Variants in CA10 observed in about 807,000 individuals in gnomAD.
CA10 encodes carbonic anhydrase-related protein 10.
Under a neutral mutation model 44.2 loss-of-function variants are expected in CA10, and 14 were observed. The observed-to-expected ratio is 0.32, with a 90% CI of 0.21 to 0.50. The LOEUF (loss-of-function observed/expected upper bound fraction) is 0.50. Among genes scored for constraint, CA10 ranks in the 20% least tolerant of loss-of-function variants. The pLI is 0.99. For synonymous variants in CA10, 159 were observed against 141.6 expected (o/e 1.12, Z -0.87); for missense variants, 350 against 409.7 (o/e 0.85, Z 1.26).
intron 1 of CA10, among the ~76,000 whole-genome samples, chr17:52,105,130 G>T (rs1007756781): frequency 7.7e-6 from 1 of 129,394 alleles, no homozygotes; most frequent in African/African-American, 2.7e-5. Flanking sequence ...TCACTGGCCC[G>T]GGCTCAGGGA....
rs992775489 is a variant in CA10, at chr17:51,984,364, A to G, written c.137-53232T>C. On this transcript the variant is annotated intron_variant, in intron 2 of 8. Transcript: ENST00000451037. ...TCTGGAATACAGCAAAGGCGGTACT[A>G]AGAGGAAAGTTCATAGCCCTAAATG... 4.6e-5 allele frequency among the ~76,000 whole-genome samples: 7 copies of G among 151,872 alleles called. 1 individual carries two copies.
chr17:51,804,250 CAAGAA>C lies in CA10; in HGVS notation c.280-56437_280-56433del, dbSNP rs72063089. On this transcript the variant is annotated intron_variant, in intron 3 of 8. Coordinates refer to ENST00000451037, the MANE Select transcript of CA10 (RefSeq NM_020178.5). ...AATTAATCTGGAGGAAAAAAGAGAA[CAAGAA>C]AAGAAAGTCATTGATAACACCTGCC... Among the ~76,000 whole-genome samples, 690 of 152,214 alleles carry C rather than the reference CAAGAA, an allele frequency of 4.5e-3. 4 individuals are homozygous for C. Among genetic ancestry groups the C allele is most frequent in the African/African-American group, 0.016 (655 of 41,538 alleles).
intron 3 of CA10, among the ~76,000 whole-genome samples, chr17:51,905,538 T>C (rs1981511181): frequency 1.3e-5 from 2 of 149,228 alleles, no homozygotes; most frequent in East Asian, 3.9e-4. Context: ...TTTTTTTTTT[T>C]TTTTTTTTTT....
chr17:51,854,352 A>G (rs1193484796), intron 3 of CA10, among the ~76,000 whole-genome samples: 1 of 152,166 alleles, frequency 6.6e-6, no homozygotes, highest in Non-Finnish European at 1.5e-5. Flanking sequence ...AGGTCTAGGC[A>G]TTGGGAAGCA....
intron 1 of CA10, among the ~76,000 whole-genome samples, chr17:52,123,745 A>G (rs904526843): frequency 2.0e-5 from 3 of 152,224 alleles, no homozygotes; most frequent in Non-Finnish European, 4.4e-5. Context: ...AATATCCTGC[A>G]GCGTTCTCCC....
chr17:52,050,911 T>C (rs1987046534), intron 2 of CA10, among the ~76,000 whole-genome samples: 1 of 152,018 alleles, frequency 6.6e-6, no homozygotes, highest in South Asian at 2.1e-4. Flanking sequence ...CATATTTGTT[T>C]TGTTCACTGC....
In CA10 at chr17:51,630,719, A is replaced by T. The variant is rs1031097209; in HGVS notation, c.*865T>A. ...GAAATCAAAGAATGCAGTTGCATGG[A>T]GCCAGGGCTTAGCCTGTAAGGAAGG... On this transcript the variant is annotated 3_prime_UTR_variant, in exon 9 of 9. Coordinates refer to ENST00000451037, the MANE Select transcript of CA10 (RefSeq NM_020178.5). The T allele has an allele frequency of 2.0e-5, 3 of 152,586 alleles. No homozygotes were observed. Among genetic ancestry groups the T allele is most frequent in the Admixed American group, 6.5e-5 (1 of 15,284 alleles). 9.5% of individuals were successfully genotyped at this position (152,586 alleles called of 1,614,324 possible). A position where few individuals can be genotyped will look rare whatever the true frequency, so the allele number is the denominator to read the frequency against.
intron 4 of CA10, among the ~76,000 whole-genome samples, chr17:51,721,337 TA>T (rs1264784322): frequency 6.6e-6 from 1 of 152,084 alleles, no homozygotes; most frequent in African/African-American, 2.4e-5. Context: ...ATCTCAAAAA[TA>T]AATAAACTTT....
chr17:51,981,263 AC>A (rs1345055699), intron 2 of CA10, among the ~76,000 whole-genome samples: 1 of 152,076 alleles, frequency 6.6e-6, no homozygotes, highest in African/African-American at 2.4e-5. Context: ...CCAAACTGAA[AC>A]ACCCCAAATG....
intron 1 of CA10, among the ~76,000 whole-genome samples, chr17:52,104,837 C>A (rs1187794206): frequency 6.6e-6 from 1 of 152,178 alleles, no homozygotes; most frequent in African/African-American, 2.4e-5. Flanking sequence ...TCATCATTTG[C>A]TGCACGGATG....
chr17:51,959,693 A>C (rs1226097862), intron 2 of CA10, among the ~76,000 whole-genome samples: 1 of 151,742 alleles, frequency 6.6e-6, no homozygotes, highest in East Asian at 1.9e-4. Context: ...CTAGCTCTAC[A>C]AAGGAATTGA....
chr17:52,158,598 T>A lies in CA10; in HGVS notation c.-812A>T, dbSNP rs1404654297. Reference sequence around the variant, plus strand: ...GGGCGCGGTGGGGGCACACAGACTCTCCAGGTCGCGCGCGCCCTTCCTGCT... The same window carrying A: ...GGGCGCGGTGGGGGCACACAGACTCACCAGGTCGCGCGCGCCCTTCCTGCT... On this transcript the variant is annotated 5_prime_UTR_variant, in exon 1 of 9. Transcript: ENST00000451037. 1 of 152,628 alleles carries A rather than the reference T, an allele frequency of 6.6e-6. No individual in the cohort carries two copies. Among genetic ancestry groups the A allele is most frequent in the Non-Finnish European group, 1.5e-5 (1 of 68,480 alleles). 9.5% of individuals were successfully genotyped at this position (152,628 alleles called of 1,614,324 possible).
chr17:52,143,186 A>T (rs1989517407), intron 1 of CA10, among the ~76,000 whole-genome samples: 1 of 152,220 alleles, frequency 6.6e-6, no homozygotes, highest in Non-Finnish European at 1.5e-5. Context: ...GATTTCCATC[A>T]ATGACATATC....
chr17:52,004,868 A>G, intron 2 of CA10, among the ~76,000 whole-genome samples: 1 of 151,912 alleles, frequency 6.6e-6, no homozygotes, highest in East Asian at 1.9e-4. Context: ...TTGTAAAATT[A>G]TGAAAATCCC....
chr17:51,964,421 A>G (rs913714377), intron 2 of CA10, among the ~76,000 whole-genome samples: 1 of 152,132 alleles, frequency 6.6e-6, no homozygotes, highest in South Asian at 2.1e-4. Context: ...ATGGACATCT[A>G]TATAACACTC....
intron 3 of CA10, among the ~76,000 whole-genome samples, chr17:51,798,614 C>T (rs557808703): frequency 7.2e-5 from 11 of 152,252 alleles, no homozygotes; most frequent in African/African-American, 2.6e-4. Flanking sequence ...ATAGAAAACA[C>T]GATCATAAAA....
At chr17:51,929,811 T>C (rs1982579764) in intron 3 of CA10, among the ~76,000 whole-genome samples, 1 of 152,204 alleles carries the variant, frequency 6.6e-6, no homozygotes, top group Non-Finnish European at 1.5e-5. Context: ...CATCGTTTTA[T>C]ATGGAATCAG....
At chr17:51,878,971 T>G (rs1980242371) in intron 3 of CA10, among the ~76,000 whole-genome samples, 2 of 145,640 alleles carry the variant, frequency 1.4e-5, no homozygotes, top group East Asian at 4.1e-4. Context: ...AACAATAAAA[T>G]TCTATAATTC....
chr17:51,846,840 T>C (rs1055019670), intron 3 of CA10, among the ~76,000 whole-genome samples: 6 of 152,186 alleles, frequency 3.9e-5, no homozygotes, highest in Non-Finnish European at 7.3e-5. Flanking sequence ...GGAGGCAGGC[T>C]CAGCTGTTTT....
Sources: allele counts gnomAD v4.1 joint callset (sites outside exome capture counted in the v4.1 genomes callset), GRCh38; gene constraint gnomAD v4.1.1; transcripts MANE v1.5; gene names NCBI Gene and HGNC (gene_info 2026-07-23, HGNC 2026-07-21).